BBS5: variants seen among roughly 807,000 people sequenced by gnomAD.
The protein encoded by BBS5 is BBSome complex member BBS5.
Under a neutral mutation model 50.2 loss-of-function variants are expected in BBS5, and 39 were observed. The ratio of observed to expected loss-of-function variants is 0.78; its 90% CI spans 0.60 to 1.01. The LOEUF is 1.01. BBS5 is among the 50% of genes least tolerant of loss of function. BBS5 has a pLI of 0.00. For missense variants in BBS5, 356 were observed against 401.5 expected (o/e 0.89, Z 0.97); for synonymous variants, 134 against 133.1 (o/e 1.01, Z -0.05).
At chr2:169,479,708 C>T (rs540035557) in intron 1 of BBS5, 96 bp downstream of exon 1, 35 of 1,374,028 alleles carry the variant, frequency 2.5e-5, no homozygotes, top group South Asian at 2.4e-4. Context: ...CTCCGCAGCT[C>T]GCGGCCCTGG....
chr2:169,479,881 G>C (rs1394719730), intron 1 of BBS5, among the ~76,000 whole-genome samples: 1 of 152,238 alleles, frequency 6.6e-6, no homozygotes, highest in African/African-American at 2.4e-5. Context: ...CCGCGGGACG[G>C]ATCAGGAATG....
rs749106175 is a variant in BBS5 at position 169,499,603 on chromosome 2, T to G, written c.799T>G (p.Tyr267Asp). 41 of 1,613,882 alleles carry G rather than the reference T, an allele frequency of 2.5e-5. No homozygotes were observed. Among genetic ancestry groups the G allele is most frequent in the Non-Finnish European group, 2.4e-5 (28 of 1,179,916 alleles). Residue 267 changes from tyrosine (Y) to aspartate (D), a missense_variant, in exon 9 of 12, where the codon TAT becomes GAT. Coordinates refer to ENST00000295240, the MANE Select transcript of BBS5 (RefSeq NM_152384.3). ...TGCCAGTCCCATATTTGGAGTTGAT[T>G]ATGAGATGGAAGAAAAGGTAATTTG... ...YSASPIFGVD[Y>D]EMEEKPQPLE...
At chr2:169,500,600 T>G (rs1359730327) in intron 9 of BBS5, among the ~76,000 whole-genome samples, 4 of 152,228 alleles carry the variant, frequency 2.6e-5, no homozygotes, top group Non-Finnish European at 5.9e-5. Context: ...GGCATGCTGA[T>G]CCATATCACA....
At chr2:169,493,089 T>A in intron 6 of BBS5, 80 bp downstream of exon 6, 3 of 1,490,598 alleles carry the variant, frequency 2.0e-6, no homozygotes, top group Non-Finnish European at 2.8e-6. Context: ...ATTTATATAG[T>A]CAATTCTAAT....
At chr2:169,497,991 C>T (rs1308437087) in intron 8 of BBS5, among the ~76,000 whole-genome samples, 1 of 152,142 alleles carries the variant, frequency 6.6e-6, no homozygotes, top group Non-Finnish European at 1.5e-5. Flanking sequence ...TCCTACGATA[C>T]AGCTACTATT....
In BBS5 at chr2:169,479,532, C is replaced by A. The variant is rs111636835; in HGVS notation, c.-22C>A. On this transcript the variant is annotated 5_prime_UTR_variant, in exon 1 of 12. Transcript: ENST00000295240. ...TAGGCCTGCACGGCTGTGGAGAGAT[C>A]CTGCCACGGGCCTTGTTCACCATGT... 1.5e-5 allele frequency: 25 copies of A among 1,614,024 alleles called. No individual in the cohort carries two copies. The highest frequency in any genetic ancestry group is 2.1e-5 in the Non-Finnish European group (25 of 1,179,888).
chr2:169,479,674 G>A, intron 1 of BBS5, 62 bp downstream of exon 1: 1 of 1,581,410 alleles, frequency 6.3e-7, no homozygotes, highest in Non-Finnish European at 8.7e-7. Context: ...GTGCGCGTTA[G>A]GGACCCGCGG....
At chr2:169,493,252 C>G (rs1344923169) in intron 6 of BBS5, among the ~76,000 whole-genome samples, 1 of 152,078 alleles carries the variant, frequency 6.6e-6, no homozygotes, top group Non-Finnish European at 1.5e-5. Context: ...CGGTGCTATG[C>G]TAGGTGGTAA....
intron 2 of BBS5, 65 bp downstream of exon 2, chr2:169,482,398 C>A: frequency 1.9e-6 from 2 of 1,032,628 alleles, no homozygotes; most frequent in Non-Finnish European, 3.1e-6. Flanking sequence ...ATCATATTAG[C>A]TAGAGAATAT....
chr2:169,505,089 C>T lies in BBS5; in HGVS notation c.*507C>T, dbSNP rs1359536516. On this transcript the variant is annotated 3_prime_UTR_variant, in exon 12 of 12. Transcript: ENST00000295240. Reference sequence around the variant, plus strand: ...CCTGCCTCAGCCTGCCGAGTGCCTGCGATTACAGGCGCGCGCCGCCACACC... The same window carrying T: ...CCTGCCTCAGCCTGCCGAGTGCCTGTGATTACAGGCGCGCGCCGCCACACC... 10 of 1,114,886 alleles carry T rather than the reference C, an allele frequency of 9.0e-6. No individual in the cohort carries two copies. Among genetic ancestry groups the T allele is most frequent in the South Asian group, 2.5e-5 (2 of 79,542 alleles). The allele number at this position is 1,114,886 out of a possible 1,614,324, so 69.1% of individuals were successfully genotyped here. A position where few individuals can be genotyped will look rare whatever the true frequency, so the allele number is the denominator to read the frequency against.
intron 1 of BBS5, among the ~76,000 whole-genome samples, chr2:169,480,041 T>TG (rs1683362252): frequency 6.6e-6 from 1 of 152,180 alleles, no homozygotes; most frequent in Non-Finnish European, 1.5e-5. Flanking sequence ...ACCCACAGTG[T>TG]GGGCCCTTGA....
In BBS5 at chr2:169,487,130, T is replaced by G; in HGVS notation, c.204T>G (p.Asn68Lys). Residue 68 changes from asparagine to lysine, a missense_variant, in exon 3 of 12, where the codon AAT becomes AAG. Coordinates refer to ENST00000295240, the MANE Select transcript of BBS5 (RefSeq NM_152384.3). ...ACTCTTTGGCATTATCAAGAGTCAA[T>G]GTTTGTAAGTATCTTTGTTAGATAA... ...LWHSLALSRV[N>K]VSVGYNCILN... 6.2e-7 allele frequency: 1 copy of G among 1,606,138 alleles called. No individual in the cohort carries two copies. The highest frequency in any genetic ancestry group is 1.1e-5 in the South Asian group (1 of 90,882).
intron 8 of BBS5, among the ~76,000 whole-genome samples, chr2:169,497,922 T>C (rs1454057591): frequency 6.6e-6 from 1 of 152,232 alleles, no homozygotes; most frequent in Non-Finnish European, 1.5e-5. Context: ...TTATTATTAA[T>C]GACAGAATCA....
chr2:169,493,151 T>C, intron 6 of BBS5, 142 bp downstream of exon 6: 1 of 945,882 alleles, frequency 1.1e-6, no homozygotes, highest in Non-Finnish European at 1.7e-6. Context: ...AAGTACAAGT[T>C]AGGTTGATGA....
intron 5 of BBS5, among the ~76,000 whole-genome samples, chr2:169,489,420 C>T (rs563192098): frequency 2.0e-5 from 3 of 151,494 alleles, no homozygotes; most frequent in Admixed American, 1.3e-4. Flanking sequence ...CTGAGATCGC[C>T]GCACTGCACT....
At chr2:169,497,591 A>G in intron 7 of BBS5, 36 bp from the exon 8 acceptor site, 1 of 1,285,010 alleles carries the variant, frequency 7.8e-7, no homozygotes, top group Non-Finnish European at 1.1e-6. Context: ...CAGTTAATAA[A>G]AACTTGCATG....
chr2:169,488,085 A>G lies in BBS5; in HGVS notation c.357A>G (p.Arg119=), dbSNP rs2105294880. 6.2e-7 allele frequency: 1 copy of G among 1,613,356 alleles called. No individual in the cohort carries two copies. The highest frequency in any genetic ancestry group is 8.5e-7 in the Non-Finnish European group (1 of 1,179,496). ...CAAATTTGGTTCCTGGAAGCCCTAG[A>G]CTTTTTACTTCTGTGATGGCAGTAC... ...IFTNLVPGSP[R]LFTSVMAVHR... is the part of the protein sequence containing the mutation. Residue 119 remains arginine, a synonymous_variant, in exon 5 of 12, where the codon AGA becomes AGG. Transcript: ENST00000295240.
Position 169,487,100 on chromosome 2 carries a change from C to G in BBS5, c.174C>G (p.Leu58=), listed in dbSNP as rs1683499085. ...GRLLVTNLRI[L]WHSLALSRVN... ...TCTTGGTAACAAATTTAAGAATTCT[C>G]TGGCACTCTTTGGCATTATCAAGAG... Residue 58 remains leucine (L), a synonymous_variant, in exon 3 of 12, where the codon CTC becomes CTG. Transcript: ENST00000295240. The G allele has an allele frequency of 3.7e-6, 6 of 1,612,044 alleles. No homozygotes were observed. In the East Asian group the frequency reaches 1.3e-4, roughly 36 times the overall value.
chr2:169,500,765 T>C (rs894013407), intron 9 of BBS5, among the ~76,000 whole-genome samples: 7 of 152,352 alleles, frequency 4.6e-5, no homozygotes, highest in Admixed American at 2.0e-4. Flanking sequence ...TCTGGGTTTC[T>C]GACATTGTAT....
Sources: gnomAD v4.1 joint callset for allele counts (sites outside exome capture counted in the v4.1 genomes callset) on GRCh38, gnomAD v4.1.1 for gene constraint, MANE v1.5 for transcripts, NCBI Gene and HGNC (gene_info 2026-07-23, HGNC 2026-07-21) for gene names.